Variants in NSD3 observed in about 807,000 individuals in gnomAD.
NSD3 encodes nuclear receptor binding SET domain protein 3.
NSD3 carries 24 observed loss-of-function variants against 160.8 expected under a neutral mutation model. The observed-to-expected ratio is 0.15, with a 90% CI of 0.11 to 0.21. The LOEUF is 0.21. NSD3 is among the 10% of genes least tolerant of loss of function. The probability of loss-of-function intolerance (pLI) is 1.00; values close to 1 mark genes in which losing one functional copy is unlikely to be tolerated. For synonymous variants in NSD3, 520 were observed against 600.0 expected (o/e 0.87, Z 1.95); for missense variants, 1,157 against 1,735.9 (o/e 0.67, Z 5.93).
intron 12 of NSD3, among the ~76,000 whole-genome samples, chr8:38,312,840 T>C (rs1809566747): frequency 6.6e-6 from 1 of 152,156 alleles, no homozygotes. Context: ...TCTTTATAAA[T>C]TACCCAGTCT....
At chr8:38,310,707 T>C (rs1299314431) in intron 12 of NSD3, among the ~76,000 whole-genome samples, 1 of 151,860 alleles carries the variant, frequency 6.6e-6, no homozygotes, top group Non-Finnish European at 1.5e-5. Flanking sequence ...AAATGAGGTT[T>C]TACCATGTTG....
chr8:38,377,169 C>T (rs886376193), intron 1 of NSD3, among the ~76,000 whole-genome samples: 1 of 152,204 alleles, frequency 6.6e-6, no homozygotes, highest in Admixed American at 6.5e-5. Context: ...TGGCCTGTCT[C>T]AGCCTCCGGA....
chr8:38,379,052 A>T (rs1811473054), intron 1 of NSD3, among the ~76,000 whole-genome samples: 1 of 152,076 alleles, frequency 6.6e-6, no homozygotes, highest in Non-Finnish European at 1.5e-5. Context: ...TCCAAAACTC[A>T]TTCAATCTGA....
intron 6 of NSD3, among the ~76,000 whole-genome samples, chr8:38,327,995 A>G (rs1257277650): frequency 6.6e-6 from 1 of 152,158 alleles, no homozygotes; most frequent in African/African-American, 2.4e-5. Flanking sequence ...AGAGGCCAGG[A>G]GTTCAAGACC....
At chr8:38,341,531 C>T (rs1052224659) in intron 2 of NSD3, among the ~76,000 whole-genome samples, 5 of 149,932 alleles carry the variant, frequency 3.3e-5, no homozygotes, top group Non-Finnish European at 7.4e-5. Context: ...GAGCGAGACT[C>T]CGTCTCAAAA....
intron 4 of NSD3, among the ~76,000 whole-genome samples, chr8:38,334,173 G>T (rs2150377383): frequency 6.6e-6 from 1 of 152,252 alleles, no homozygotes; most frequent in South Asian, 2.1e-4. Context: ...ATACTATATA[G>T]CCATAAATGG....
intron 7 of NSD3, among the ~76,000 whole-genome samples, chr8:38,322,363 TCTC>T (rs987074715): frequency 2.6e-5 from 4 of 152,052 alleles, no homozygotes; most frequent in Non-Finnish European, 4.4e-5. Flanking sequence ...CTCTCACTCT[TCTC>T]CTTACACTGA....
Position 38,304,576 on chromosome 8 carries a change from C to G in NSD3, c.2611+11G>C. On this transcript the variant is annotated intron_variant, in intron 14 of 23. Transcript: ENST00000317025. ...CTCAAAAATAAATGAAGAGAAAAGT[C>G]AGACACTCACCTCTGGCACAAACGA... The G allele has an allele frequency of 6.2e-7, 1 of 1,600,786 alleles. No homozygotes were observed. Among genetic ancestry groups the G allele is most frequent in the Non-Finnish European group, 8.5e-7 (1 of 1,175,220 alleles).
Position 38,279,552 on chromosome 8 carries a change from C to T in NSD3, c.3748G>A (p.Asp1250Asn). 1 of 1,613,842 alleles carries T rather than the reference C, an allele frequency of 6.2e-7. No homozygotes were observed. The highest frequency in any genetic ancestry group is 8.5e-7 in the Non-Finnish European group (1 of 1,179,830). ...GTCACTTTTTTACCTGCAGGAATAT[C>T]ACAGAGAGCAAATAGTCCCACTCGA... ...DVRVGLFALC[D>N]IPAGMELTFN... The change falls in exon 21 of 24, where the codon GAT (aspartate) becomes AAT (asparagine). Residue 1250 changes from aspartate (D) to asparagine (N), a missense_variant. Asp to Asn is a conservative substitution (Grantham distance 23). Transcript: ENST00000317025.
chr8:38,332,528 G>C (rs1351408084), intron 4 of NSD3, among the ~76,000 whole-genome samples: 2 of 152,150 alleles, frequency 1.3e-5, no homozygotes, highest in African/African-American at 4.8e-5. Flanking sequence ...AGTAAAAGGG[G>C]TCCTGGGACC....
At chr8:38,349,736 G>A (rs1810635115) in intron 1 of NSD3, among the ~76,000 whole-genome samples, 1 of 147,222 alleles carries the variant, frequency 6.8e-6, no homozygotes, top group South Asian at 2.1e-4. Flanking sequence ...TGCACAATGT[G>A]CAGGTTTGTT....
chr8:38,378,437 C>T (rs1050608218), intron 1 of NSD3, among the ~76,000 whole-genome samples: 14 of 152,066 alleles, frequency 9.2e-5, no homozygotes, highest in East Asian at 3.9e-4. Flanking sequence ...GTCAGGAGAT[C>T]GAGACCATCC....
intron 6 of NSD3, among the ~76,000 whole-genome samples, chr8:38,327,655 T>C (rs759090425): frequency 7.9e-5 from 12 of 152,218 alleles, no homozygotes; most frequent in South Asian, 6.2e-4. Flanking sequence ...TTTTCTGGTC[T>C]TTATACATAT....
At position 38,372,917 on chromosome 8, in the gene NSD3, G is replaced by T. The variant is rs186435865; in HGVS notation, c.-45+8882C>A. ...ACTACAAAAATTAGCCGGGTGTGGT[G>T]ATGGGCACCTGTAGTCGAGCTACTC... is the stretch of plus-strand genomic sequence containing the variant. On this transcript the variant is annotated intron_variant, in intron 1 of 23. Transcript: ENST00000317025. Among the ~76,000 whole-genome samples, 5 of 141,882 alleles carry T rather than the reference G, an allele frequency of 3.5e-5. No homozygotes were observed. In the East Asian group the frequency reaches 1.2e-3, roughly 33 times the overall value. The allele number at this position is 141,882 out of a possible 152,430, so 93.1% of individuals were successfully genotyped here. A position where few individuals can be genotyped will look rare whatever the true frequency, so the allele number is the denominator to read the frequency against.
intron 2 of NSD3, among the ~76,000 whole-genome samples, chr8:38,346,593 C>G (rs1219836310): frequency 6.6e-6 from 1 of 151,592 alleles, no homozygotes; most frequent in African/African-American, 2.4e-5. Context: ...AATAAGAAAA[C>G]TATAAAAAGT....
At chr8:38,308,561 G>A (rs1032078415) in intron 12 of NSD3, among the ~76,000 whole-genome samples, 3 of 152,230 alleles carry the variant, frequency 2.0e-5, no homozygotes, top group Non-Finnish European at 4.4e-5. Context: ...GCTCATGCCT[G>A]TAATCCCAGC....
At chr8:38,332,131 G>C (rs1810076747) in intron 4 of NSD3, among the ~76,000 whole-genome samples, 1 of 152,122 alleles carries the variant, frequency 6.6e-6, no homozygotes, top group Non-Finnish European at 1.5e-5. Context: ...GTAGAGATGG[G>C]AGTCTTACTA....
chr8:38,299,273 G>C (rs1418088440), intron 15 of NSD3, among the ~76,000 whole-genome samples, 171 bp downstream of exon 15: 2 of 152,064 alleles, frequency 1.3e-5, no homozygotes, highest in East Asian at 3.9e-4. Flanking sequence ...ATTATTTTAA[G>C]CCCTTTTTAA....
chr8:38,285,578 C>T (rs1009623985), intron 19 of NSD3, among the ~76,000 whole-genome samples: 2 of 152,214 alleles, frequency 1.3e-5, no homozygotes, highest in African/African-American at 2.4e-5. Flanking sequence ...TCTTACAACA[C>T]ATTTCAGAAT....
Sources: gnomAD v4.1 joint callset for allele counts (sites outside exome capture counted in the v4.1 genomes callset) on GRCh38, gnomAD v4.1.1 for gene constraint, MANE v1.5 for transcripts, NCBI Gene and HGNC (gene_info 2026-07-23, HGNC 2026-07-21) for gene names.